Variants in CIT observed in about 807,000 individuals in gnomAD.
CIT encodes the protein citron rho-interacting serine/threonine kinase.
In CIT, 79 loss-of-function variants were observed where a neutral mutation model predicts 272.7. That is an observed-to-expected ratio of 0.29 (90% CI 0.24 to 0.35). The LOEUF (loss-of-function observed/expected upper bound fraction) is 0.35. Among genes scored for constraint, CIT ranks in the 10% least tolerant of loss-of-function variants. The probability of loss-of-function intolerance (pLI) is 1.00; values close to 1 mark genes in which losing one functional copy is unlikely to be tolerated. For synonymous variants in CIT, 948 were observed against 995.6 expected (o/e 0.95, Z 0.90); for missense variants, 1,909 against 2,618.3 (o/e 0.73, Z 5.91).
intron 24 of CIT, among the ~76,000 whole-genome samples, chr12:119,740,003 T>C (rs1958980212): frequency 1.3e-5 from 2 of 152,224 alleles, no homozygotes; most frequent in African/African-American, 4.8e-5. Flanking sequence ...AGTAGGATAA[T>C]ACACGTAGGT....
chr12:119,717,838 C>CTTTTTTTTTTTTCTTTT lies in CIT; in HGVS notation c.4168+406_4168+407insAAAAGAAAAAAAAAAAA, dbSNP rs1957602194. ...GGGGAGCCAGGAGACTGACTTCTTT[C>CTTTTTTTTTTTTCTTTT]TTTTTTTTTTTTTTTTTTTTGAGAT... On this transcript the variant is annotated intron_variant, in intron 32 of 47. Coordinates refer to ENST00000392521, the MANE Select transcript of CIT (RefSeq NM_001206999.2). Among the ~76,000 whole-genome samples, 2 of 81,332 alleles carry CTTTTTTTTTTTTCTTTT rather than the reference C, an allele frequency of 2.5e-5. 1 individual carries two copies. The highest frequency in any genetic ancestry group is 4.5e-5 in the Non-Finnish European group (2 of 44,328). 53.4% of individuals were successfully genotyped at this position (81,332 alleles called of 152,430 possible).
chr12:119,852,742 A>G (rs1256730801), intron 4 of CIT, among the ~76,000 whole-genome samples: 1 of 151,876 alleles, frequency 6.6e-6, no homozygotes, highest in Non-Finnish European at 1.5e-5. Context: ...TCAACTGCTT[A>G]AAATAAATAA....
chr12:119,852,763 T>C (rs1463658857), intron 4 of CIT, among the ~76,000 whole-genome samples: 1 of 151,860 alleles, frequency 6.6e-6, no homozygotes, highest in Admixed American at 6.6e-5. Context: ...ATTATATATA[T>C]GCATATATAT....
chr12:119,815,001 G>A lies in CIT; in HGVS notation c.1111+7819C>T, dbSNP rs1274900181. 2.0e-5 allele frequency among the ~76,000 whole-genome samples: 3 copies of A among 146,926 alleles called. No homozygotes were observed. In the East Asian group the frequency reaches 6.1e-4, roughly 30 times the overall value. ...TGCAGTGAGCCGAGATCGTGCCACT[G>A]CACTCCAGCCTGGCTGACAGAGGAA... On this transcript the variant is annotated intron_variant, in intron 9 of 47. Coordinates refer to ENST00000392521, the MANE Select transcript of CIT (RefSeq NM_001206999.2).
chr12:119,823,105 C>T (rs1967865414), intron 8 of CIT, 132 bp from the exon 9 acceptor site: 4 of 894,976 alleles, frequency 4.5e-6, no homozygotes, highest in Admixed American at 6.0e-5. Flanking sequence ...GTTTCGTGCC[C>T]TCTTCCCTTT....
chr12:119,748,221 C>T lies in CIT; in HGVS notation c.2904+3829G>A, dbSNP rs150878503. Among the ~76,000 whole-genome samples, 13 of 152,288 alleles carry T rather than the reference C, an allele frequency of 8.5e-5. No individual in the cohort carries two copies. In the East Asian group the frequency reaches 2.5e-3, roughly 29 times the overall value. On this transcript the variant is annotated intron_variant, in intron 23 of 47. Transcript: ENST00000392521. ...GGAAACCCAGGAGTCCACAGATCCACTTTGGGAACCACTAACCTAGGAGTT... is the reference window on the plus strand; with the variant it reads ...GGAAACCCAGGAGTCCACAGATCCATTTTGGGAACCACTAACCTAGGAGTT...
Position 119,711,460 on chromosome 12 carries a change from T to C in CIT, c.4854+718A>G, listed in dbSNP as rs185280711. 4.5e-3 allele frequency among the ~76,000 whole-genome samples: 680 copies of C among 152,308 alleles called. 2 individuals carry two copies. The highest frequency in any genetic ancestry group is 0.02 in the Middle Eastern group (6 of 294). On this transcript the variant is annotated intron_variant, in intron 37 of 47. Coordinates refer to ENST00000392521, the MANE Select transcript of CIT (RefSeq NM_001206999.2). ...CTGAGATGCTTATGAAAAGCCTTCC[T>C]GGAGGGGACACAGCTGCCGGCAGCC...
In CIT at chr12:119,701,917, G is replaced by C. The variant is rs745758275; in HGVS notation, c.5346C>G (p.Thr1782=). ...TSEPCSCIHF[T]NYSILIGTNK... is the part of the protein sequence containing the mutation. ...TGGTTCCAATGAGGATACTGTAATTGGTGAAGTGGATACAGCTGCAGGGCT... is the reference window on the plus strand; with the variant it reads ...TGGTTCCAATGAGGATACTGTAATTCGTGAAGTGGATACAGCTGCAGGGCT... The change falls in exon 42 of 48, where the codon ACC becomes ACG. Residue 1782 remains threonine (T), a synonymous_variant. Coordinates refer to ENST00000392521, the MANE Select transcript of CIT (RefSeq NM_001206999.2). 3 of 1,614,044 alleles carry C rather than the reference G, an allele frequency of 1.9e-6. No individual in the cohort carries two copies. In the East Asian group the frequency reaches 6.7e-5, roughly 36 times the overall value.
chr12:119,718,391 G>C lies in CIT; in HGVS notation c.4022C>G (p.Thr1341Arg). Residue 1341 changes from threonine (T) to arginine (R), a missense_variant, in exon 32 of 48, where the codon ACG (threonine) becomes AGG (arginine). Around this residue, in one of 8 missense-constraint regions of CIT, gnomAD observed 780 missense variants for 1,067.2 expected, o/e 0.73. Transcript: ENST00000392521. The surrounding 1 kb of genome is among the most constrained non-coding windows in gnomAD (Gnocchi z 4.8). ...TGGCGTGGATGGGTGTGGGTGGTCCGTTGCTTTGCGGTGGGCAGCTGCAGA... is the reference window on the plus strand; with the variant it reads ...TGGCGTGGATGGGTGTGGGTGGTCCCTTGCTTTGCGGTGGGCAGCTGCAGA... ...AREEAAHRKA[T>R]DHPHPSTPAT... 47 of 1,612,854 alleles carry C rather than the reference G, an allele frequency of 2.9e-5. No homozygotes were observed. Among genetic ancestry groups the C allele is most frequent in the Non-Finnish European group, 3.7e-5 (44 of 1,179,486 alleles).
intron 13 of CIT, among the ~76,000 whole-genome samples, chr12:119,778,617 C>T (rs1964003960): frequency 6.6e-6 from 1 of 151,900 alleles, no homozygotes; most frequent in Non-Finnish European, 1.5e-5. Flanking sequence ...TAAAGGAAAC[C>T]TTTTATCCCA....
intron 5 of CIT, among the ~76,000 whole-genome samples, chr12:119,843,416 T>C (rs1969544051): frequency 6.6e-6 from 1 of 152,074 alleles, no homozygotes; most frequent in South Asian, 2.1e-4. Flanking sequence ...AGAAGATGGA[T>C]GCCTGAAACC....
Position 119,753,789 on chromosome 12 carries a change from G to A in CIT, c.2707-1542C>T, listed in dbSNP as rs12229013. Reference sequence around the variant, plus strand: ...ATGACTCCCACATTTCTGGACGGGTGAATTACACAAATAGACCATTGCTAT... The same window carrying A: ...ATGACTCCCACATTTCTGGACGGGTAAATTACACAAATAGACCATTGCTAT... On this transcript the variant is annotated intron_variant, in intron 22 of 47. Coordinates refer to ENST00000392521, the MANE Select transcript of CIT (RefSeq NM_001206999.2). Among the ~76,000 whole-genome samples, 7 of 152,076 alleles carry A rather than the reference G, an allele frequency of 4.6e-5. No homozygotes were observed. In the South Asian group the frequency reaches 1.2e-3, roughly 27 times the overall value.
Position 119,768,925 on chromosome 12 carries a change from T to C in CIT, c.2209-1743A>G, listed in dbSNP as rs758560444. 3.3e-5 allele frequency among the ~76,000 whole-genome samples: 5 copies of C among 152,170 alleles called. No individual in the cohort carries two copies. Among genetic ancestry groups the C allele is most frequent in the Admixed American group, 6.5e-5 (1 of 15,270 alleles). Reference sequence around the variant, plus strand: ...ACTCTTTGCCCACCTCCTAGATACTTTGCAGCCTAAGCACAGGGTTCTTGA... The same window carrying C: ...ACTCTTTGCCCACCTCCTAGATACTCTGCAGCCTAAGCACAGGGTTCTTGA... On this transcript the variant is annotated intron_variant, in intron 18 of 47. Transcript: ENST00000392521. The surrounding 1 kb of genome is among the most constrained non-coding windows in gnomAD (Gnocchi z 4.3).
At chr12:119,707,995 G>C (rs1956966679) in intron 40 of CIT, among the ~76,000 whole-genome samples, 184 bp downstream of exon 40, 1 of 152,124 alleles carries the variant, frequency 6.6e-6, no homozygotes, top group African/African-American at 2.4e-5. Context: ...AGTTTACAAT[G>C]GCACGTGTAT....
chr12:119,752,087 G>C lies in CIT; in HGVS notation c.2867C>G (p.Thr956Ser). 6.2e-7 allele frequency: 1 copy of C among 1,612,714 alleles called. No homozygotes were observed. The highest frequency in any genetic ancestry group is 8.5e-7 in the Non-Finnish European group (1 of 1,179,964). Residue 956 changes from threonine to serine, a missense_variant, in exon 23 of 48, where the codon ACC (threonine) becomes AGC (serine). Thr to Ser is a moderately conservative substitution (Grantham distance 58). Transcript: ENST00000392521. Reference protein sequence around the residue: ...LRQAKTELEETTAEAEEEIQA... With the variant: ...LRQAKTELEESTAEAEEEIQA... ...GATCTCCTCTTCAGCTTCTGCTGTGGTCTCTTCCAGCTCTGTCTTCGCCTG... is the reference window on the plus strand; with the variant it reads ...GATCTCCTCTTCAGCTTCTGCTGTGCTCTCTTCCAGCTCTGTCTTCGCCTG...
In CIT at chr12:119,825,202, G is replaced by A. The variant is rs1317131603; in HGVS notation, c.920C>T (p.Thr307Ile). 6.2e-7 allele frequency: 1 copy of A among 1,613,900 alleles called. No individual in the cohort carries two copies. The highest frequency in any genetic ancestry group is 8.5e-7 in the Non-Finnish European group (1 of 1,179,968). Residue 307 changes from threonine (T) to isoleucine (I), a missense_variant, in exon 8 of 48, where the codon ACC becomes ATC. Physicochemically the swap from Thr to Ile is moderately conservative, Grantham distance 89. Transcript: ENST00000392521. ...AATGTTATTGAAGGTTCTGGCAGAGGTTCCCTCTGCGAAGGGGGATCTCCC... is the reference window on the plus strand; with the variant it reads ...AATGTTATTGAAGGTTCTGGCAGAGATTCCCTCTGCGAAGGGGGATCTCCC... ...IYGRSPFAEG[T>I]SARTFNNIMN...
chr12:119,876,204 A>C, intron 1 of CIT, 23 bp from the exon 2 acceptor site: 2 of 1,484,820 alleles, frequency 1.3e-6, no homozygotes, highest in Non-Finnish European at 1.9e-6. Flanking sequence ...CAGAAAAGTC[A>C]AGTGTGTCCT....
At chr12:119,856,283 T>C (rs533212481) in intron 4 of CIT, among the ~76,000 whole-genome samples, 73 of 152,238 alleles carry the variant, frequency 4.8e-4, no homozygotes, top group Admixed American at 1.8e-3. Context: ...TGGGGAGGTA[T>C]TGTATAATGG....
At chr12:119,855,504 G>A (rs528926968) in intron 4 of CIT, among the ~76,000 whole-genome samples, 18 of 152,198 alleles carry the variant, frequency 1.2e-4, no homozygotes, top group East Asian at 1.9e-4. Context: ...GTGGGCGTGC[G>A]GGCCTCTCCC....
Sources: gnomAD v4.1 joint callset for allele counts (sites outside exome capture counted in the v4.1 genomes callset) on GRCh38, gnomAD v4.1.1 for gene constraint, gnomAD v4.1.1 regional missense constraint, Gnocchi (gnomAD v3.1) non-coding constraint, MANE v1.5 for transcripts, NCBI Gene and HGNC (gene_info 2026-07-23, HGNC 2026-07-21) for gene names.